PNLDC1: variants seen among roughly 807,000 people sequenced by gnomAD.
PNLDC1 encodes PARN like ribonuclease domain containing exonuclease 1, also known as poly(A)-specific ribonuclease PNLDC1.
PNLDC1 carries 70 observed loss-of-function variants against 82.0 expected under a neutral mutation model. The ratio of observed to expected loss-of-function variants is 0.85; its 90% CI spans 0.70 to 1.04. PNLDC1 has a LOEUF of 1.04. Among genes scored for constraint, PNLDC1 ranks in the 50% least tolerant of loss-of-function variants. PNLDC1 has a pLI of 0.00. For synonymous variants in PNLDC1, 280 were observed against 249.3 expected, an observed-to-expected ratio of 1.12 and a Z score of -1.16; for missense variants, 631 against 661.1, an observed-to-expected ratio of 0.95 and a Z score of 0.50.
chr6:159,817,230 T>C lies in PNLDC1; in HGVS notation c.1157+79T>C, dbSNP rs1781866003. The C allele has an allele frequency of 2.3e-6, 3 of 1,281,576 alleles. No homozygotes were observed. The East Asian group carries it at 6.9e-5, about 30-fold the overall frequency. 79.4% of individuals were successfully genotyped at this position (1,281,576 alleles called of 1,614,324 possible). ...AGCCCTTGCTGGAAGCCAACACCTC[T>C]CCAGTCCCAGGGTTCTACCAAAGAA... is the stretch of plus-strand genomic sequence containing the variant. On this transcript the variant is annotated intron_variant, in intron 15 of 18. Coordinates refer to ENST00000392167, the MANE Select transcript of PNLDC1 (RefSeq NM_001271862.2).
At chr6:159,817,059 A>G (rs1192524748) in intron 14 of PNLDC1, 50 bp from the exon 15 acceptor site, 3 of 1,523,054 alleles carry the variant, frequency 2.0e-6, no homozygotes, top group Middle Eastern at 1.7e-4. Flanking sequence ...AAGCATAAGC[A>G]TGCACATTTT....
At chr6:159,814,137 A>G (rs1781738073) in intron 12 of PNLDC1, among the ~76,000 whole-genome samples, 1 of 151,840 alleles carries the variant, frequency 6.6e-6, no homozygotes, top group Non-Finnish European at 1.5e-5. Flanking sequence ...TGAACTCTCT[A>G]TGCTCCTCTT....
chr6:159,805,973 C>A lies in PNLDC1; in HGVS notation c.462-10C>A. The A allele has an allele frequency of 6.2e-7, 1 of 1,608,718 alleles. No homozygotes were observed. Among genetic ancestry groups the A allele is most frequent in the Non-Finnish European group, 8.5e-7 (1 of 1,175,076 alleles). ...CTCTGACATGTTCACTTTCATGCGC[C>A]CATTTTCAGCTCTCCGGATAAAGAC... On this transcript the variant is annotated splice_polypyrimidine_tract_variant and intron_variant, in intron 6 of 18. Transcript: ENST00000392167.
At chr6:159,807,723 C>G (rs1781499032) in intron 7 of PNLDC1, among the ~76,000 whole-genome samples, 1 of 152,142 alleles carries the variant, frequency 6.6e-6, no homozygotes, top group South Asian at 2.1e-4. Context: ...GTGAGATAGG[C>G]CAGTGGATTG....
intron 18 of PNLDC1, 74 bp from the exon 19 acceptor site, chr6:159,820,380 G>T: frequency 7.0e-7 from 1 of 1,426,366 alleles, no homozygotes; most frequent in African/African-American, 1.4e-5. Flanking sequence ...TGGGAAGGAG[G>T]AGGGGCAAGC....
intron 11 of PNLDC1, among the ~76,000 whole-genome samples, chr6:159,812,768 T>C (rs888346286): frequency 1.3e-5 from 2 of 152,160 alleles, no homozygotes; most frequent in Non-Finnish European, 2.9e-5. Context: ...ACACCTGTAA[T>C]CCCAGCATTT....
At chr6:159,810,516 T>C (rs912889105) in intron 10 of PNLDC1, among the ~76,000 whole-genome samples, 1 of 152,234 alleles carries the variant, frequency 6.6e-6, no homozygotes, top group African/African-American at 2.4e-5. Context: ...GTTAAAAACC[T>C]AATAAATGCT....
rs1250030798 is a variant in PNLDC1, at chr6:159,816,029, A to G, written c.1056A>G (p.Lys352=). The G allele has an allele frequency of 1.2e-6, 2 of 1,609,892 alleles. No homozygotes were observed. Among genetic ancestry groups the G allele is most frequent in the South Asian group, 1.1e-5 (1 of 90,886 alleles). ...PEIVHASRCE[K]YVETKCPHEA... is the part of the protein sequence containing the mutation. ...TTGTTCACGCGAGCAGGTGTGAGAA[A>G]TATGGTACGTTCCCATGAGCCCATA... The change falls in exon 13 of 19, where the codon AAA becomes AAG. Residue 352 remains lysine, a synonymous_variant. Transcript: ENST00000392167.
At chr6:159,804,854 C>T (rs930224476) in intron 6 of PNLDC1, among the ~76,000 whole-genome samples, 1 of 152,210 alleles carries the variant, frequency 6.6e-6, no homozygotes, top group Non-Finnish European at 1.5e-5. Context: ...ATGAACCTCT[C>T]ACTGCGTTGA....
In PNLDC1 at chr6:159,804,096, A is replaced by G. The variant is rs750015030; in HGVS notation, c.372+8A>G. ...GGCTTCAACTATAACAAGGTATGGC[A>G]TTGGAGGAGGGGAACGGGAATGTCT... is the stretch of plus-strand genomic sequence containing the variant. On this transcript the variant is annotated splice_region_variant and intron_variant, in intron 5 of 18. Coordinates refer to ENST00000392167, the MANE Select transcript of PNLDC1 (RefSeq NM_001271862.2). The G allele has an allele frequency of 6.2e-7, 1 of 1,612,010 alleles. No homozygotes were observed. Among genetic ancestry groups the G allele is most frequent in the Non-Finnish European group, 8.5e-7 (1 of 1,179,456 alleles).
intron 15 of PNLDC1, among the ~76,000 whole-genome samples, 166 bp downstream of exon 15, chr6:159,817,317 A>G (rs755479430): frequency 2.7e-4 from 41 of 152,154 alleles, no homozygotes; most frequent in Admixed American, 8.5e-4. Flanking sequence ...CAGCCCACAA[A>G]TGGCTCTGTG....
At chr6:159,807,785 G>T (rs1781501369) in intron 7 of PNLDC1, among the ~76,000 whole-genome samples, 1 of 152,152 alleles carries the variant, frequency 6.6e-6, no homozygotes, top group Admixed American at 6.5e-5. Flanking sequence ...ATTCCACAGT[G>T]CAATTAATCT....
rs769193821 is a variant in PNLDC1 at position 159,817,101 on chromosome 6, C to T, written c.1115-8C>T. ...CTCTATTGCATTTCTGTCTTTTTTC[C>T]TTCCTAGTTCTTTTGAAAGTGGCAC... On this transcript the variant is annotated splice_polypyrimidine_tract_variant and splice_region_variant and intron_variant, in intron 14 of 18. Transcript: ENST00000392167. 2.0e-5 allele frequency: 32 copies of T among 1,610,706 alleles called. No individual in the cohort carries two copies. Among genetic ancestry groups the T allele is most frequent in the African/African-American group, 2.7e-5 (2 of 74,852 alleles).
At position 159,808,728 on chromosome 6, in the gene PNLDC1, T is replaced by G. The variant is rs916050782; in HGVS notation, c.563-12T>G. On this transcript the variant is annotated splice_polypyrimidine_tract_variant and intron_variant, in intron 7 of 18. Transcript: ENST00000392167. ...TCCAGGTGCTGTGTGCCCCTGTGTT[T>G]CCCTGCTGCAGGCTTCCAGGCCTTT... The G allele has an allele frequency of 3.7e-6, 6 of 1,612,258 alleles. No homozygotes were observed. Among genetic ancestry groups the G allele is most frequent in the Non-Finnish European group, 5.1e-6 (6 of 1,179,244 alleles).
upstream of PNLDC1, among the ~76,000 whole-genome samples, chr6:159,799,907 A>T (rs1432443710): frequency 6.6e-6 from 1 of 152,106 alleles, no homozygotes. Context: ...GCAGCAAAGG[A>T]TCTGCTTATT....
chr6:159,809,917 C>T, intron 9 of PNLDC1, 109 bp from the exon 10 acceptor site: 1 of 881,290 alleles, frequency 1.1e-6, no homozygotes, highest in South Asian at 1.5e-5. Context: ...GTCAAGTGAT[C>T]AGAATTGCAG....
intron 3 of PNLDC1, 63 bp from the exon 4 acceptor site, chr6:159,803,208 C>T (rs1781325767): frequency 1.3e-6 from 2 of 1,521,138 alleles, no homozygotes; most frequent in African/African-American, 2.7e-5. Context: ...TTGTTTTTGT[C>T]TTTGTAGTGA....
chr6:159,813,620 T>C lies in PNLDC1; in HGVS notation c.959T>C (p.Val320Ala), dbSNP rs576178012. ...DIWKEMNFPR[V>A]SNLSEVYEVL... ...TTGTAGGAGATGAATTTCCCGAGGG[T>C]GTCGAATCTTTCGGAAGTCTATGAA... The change falls in exon 12 of 19, where the codon GTG becomes GCG. Residue 320 changes from valine (V) to alanine (A), a missense_variant. Physicochemically the swap from Val to Ala is moderately conservative, Grantham distance 64 (BLOSUM62 0). Transcript: ENST00000392167. 1.8e-5 allele frequency: 29 copies of C among 1,613,082 alleles called. No individual in the cohort carries two copies. Among genetic ancestry groups the C allele is most frequent in the Non-Finnish European group, 2.2e-5 (26 of 1,179,156 alleles).
intron 15 of PNLDC1, 83 bp from the exon 16 acceptor site, chr6:159,818,472 C>G: frequency 8.0e-7 from 1 of 1,250,714 alleles, no homozygotes; most frequent in South Asian, 1.2e-5. Flanking sequence ...TCCTTCTGTT[C>G]TGTCACCGGA....
Sources: gnomAD v4.1 joint callset for allele counts (sites outside exome capture counted in the v4.1 genomes callset) on GRCh38, gnomAD v4.1.1 for gene constraint, MANE v1.5 for transcripts, NCBI Gene and HGNC (gene_info 2026-07-23, HGNC 2026-07-21) for gene names.